The following GABRB1 variants were observed in gnomAD, a reference collection of about 807,000 sequenced individuals.
GABRB1 encodes the protein gamma-aminobutyric acid type A receptor subunit beta1.
A neutral mutation model predicts 51.6 loss-of-function variants in GABRB1; 17 were observed. The observed-to-expected ratio is 0.33, with a 90% CI of 0.23 to 0.49. The LOEUF (loss-of-function observed/expected upper bound fraction) is 0.49. GABRB1 is among the 20% of genes least tolerant of loss of function. GABRB1 has a pLI of 0.99. For missense variants in GABRB1, 410 were observed against 600.6 expected, an observed-to-expected ratio of 0.68 and a Z score of 3.32; for synonymous variants, 247 against 218.9, an observed-to-expected ratio of 1.13 and a Z score of -1.14.
At chr4:46,999,155 T>A (rs553562973) in intron 1 of GABRB1, among the ~76,000 whole-genome samples, 42 of 152,294 alleles carry the variant, frequency 2.8e-4, no homozygotes, top group African/African-American at 9.1e-4. Flanking sequence ...AATTAACCCA[T>A]ATAGTTTATT....
At chr4:47,017,846 G>A (rs1724795625) in intron 1 of GABRB1, among the ~76,000 whole-genome samples, 1 of 152,112 alleles carries the variant, frequency 6.6e-6, no homozygotes, top group Non-Finnish European at 1.5e-5. Flanking sequence ...TCAGAATATG[G>A]TTAGAAAACT....
At chr4:47,094,548 G>T (rs537618209) in intron 3 of GABRB1, among the ~76,000 whole-genome samples, 2 of 152,076 alleles carry the variant, frequency 1.3e-5, no homozygotes, top group South Asian at 2.1e-4. Flanking sequence ...TACGTGTTAA[G>T]ATTTACTGTT....
chr4:47,274,748 G>T (rs1723017653), intron 4 of GABRB1, among the ~76,000 whole-genome samples: 1 of 152,076 alleles, frequency 6.6e-6, no homozygotes, highest in South Asian at 2.1e-4. Flanking sequence ...CTTTTGATGG[G>T]GAGTTCTGAC....
At chr4:47,005,597 A>C (rs1281420324) in intron 1 of GABRB1, among the ~76,000 whole-genome samples, 1 of 150,862 alleles carries the variant, frequency 6.6e-6, no homozygotes, top group Non-Finnish European at 1.5e-5. Context: ...TTCAGTCATA[A>C]GGTAAAAACC....
intron 4 of GABRB1, among the ~76,000 whole-genome samples, chr4:47,237,554 A>C (rs1045572861): frequency 6.6e-6 from 1 of 152,080 alleles, no homozygotes; most frequent in Non-Finnish European, 1.5e-5. Context: ...ATTTAATATA[A>C]TTAAGCTGCT....
intron 5 of GABRB1, among the ~76,000 whole-genome samples, chr4:47,346,531 A>G (rs929229321): frequency 8.5e-5 from 13 of 152,180 alleles, no homozygotes; most frequent in African/African-American, 2.4e-4. Context: ...ATCATGAAGC[A>G]GTGGAGAAAT....
At chr4:47,271,546 G>A (rs1162328096) in intron 4 of GABRB1, among the ~76,000 whole-genome samples, 1 of 152,156 alleles carries the variant, frequency 6.6e-6, no homozygotes, top group African/African-American at 2.4e-5. Flanking sequence ...CCTGGCCCAG[G>A]TGGCACACTT....
At chr4:47,123,933 TTA>T (rs1248076623) in intron 3 of GABRB1, among the ~76,000 whole-genome samples, 121 of 112,838 alleles carry the variant, frequency 1.1e-3, no homozygotes, top group Non-Finnish European at 1.6e-3. Flanking sequence ...ATATAATATA[TTA>T]TATATATTAT....
At chr4:47,298,819 C>T (rs935463463) in intron 4 of GABRB1, among the ~76,000 whole-genome samples, 13 of 152,022 alleles carry the variant, frequency 8.6e-5, no homozygotes, top group South Asian at 2.1e-4. Context: ...GGAGGCATCA[C>T]GCTACCTGAC....
chr4:47,377,826 C>T (rs1434941363), intron 5 of GABRB1, among the ~76,000 whole-genome samples: 1 of 152,160 alleles, frequency 6.6e-6, no homozygotes, highest in East Asian at 1.9e-4. Flanking sequence ...TCCATTGGTG[C>T]ATTCACAAAC....
At chr4:47,261,597 C>T (rs562855078) in intron 4 of GABRB1, among the ~76,000 whole-genome samples, 18 of 151,898 alleles carry the variant, frequency 1.2e-4, no homozygotes, top group Middle Eastern at 6.8e-3. Context: ...GAATCAATAT[C>T]GTGAAAATGG....
chr4:47,141,054 T>C (rs1177388468), intron 3 of GABRB1, among the ~76,000 whole-genome samples: 1 of 151,776 alleles, frequency 6.6e-6, no homozygotes, highest in Non-Finnish European at 1.5e-5. Flanking sequence ...TAATACAGGA[T>C]GGGTACCCAT....
intron 5 of GABRB1, among the ~76,000 whole-genome samples, chr4:47,394,676 T>A (rs1203270186): frequency 6.6e-6 from 1 of 152,132 alleles, no homozygotes; most frequent in African/African-American, 2.4e-5. Context: ...TATGAAAAAG[T>A]TCGCCTTTCA....
intron 3 of GABRB1, among the ~76,000 whole-genome samples, chr4:47,125,030 C>A (rs1716053072): frequency 6.6e-6 from 1 of 152,074 alleles, no homozygotes; most frequent in Non-Finnish European, 1.5e-5. Flanking sequence ...TATATATAGA[C>A]ACATTCTAAT....
intron 5 of GABRB1, among the ~76,000 whole-genome samples, chr4:47,325,002 A>G (rs1043969307): frequency 2.0e-5 from 3 of 152,112 alleles, no homozygotes; most frequent in Admixed American, 2.0e-4. Context: ...TTTCCAAACT[A>G]TCATTACTTT....
intron 3 of GABRB1, among the ~76,000 whole-genome samples, chr4:47,105,123 C>G (rs1714903433): frequency 6.6e-6 from 1 of 152,070 alleles, no homozygotes; most frequent in Non-Finnish European, 1.5e-5. Flanking sequence ...TTGAGTCAAT[C>G]TGAGTTTAGA....
intron 4 of GABRB1, among the ~76,000 whole-genome samples, chr4:47,298,343 C>T (rs999180793): frequency 2.8e-4 from 42 of 152,174 alleles, no homozygotes; most frequent in Non-Finnish European, 4.4e-5. Context: ...AAAACCCCAT[C>T]ATCTCAGCCC....
chr4:47,182,572 T>C (rs1482572751), intron 4 of GABRB1, among the ~76,000 whole-genome samples: 3 of 151,962 alleles, frequency 2.0e-5, no homozygotes, highest in Non-Finnish European at 4.4e-5. Context: ...AATTTTGTTA[T>C]AATTATTCTG....
intron 4 of GABRB1, among the ~76,000 whole-genome samples, chr4:47,283,612 T>C: frequency 1.3e-5 from 2 of 151,574 alleles, no homozygotes; most frequent in Middle Eastern, 6.8e-3. Context: ...ATGGTCTCCA[T>C]CTCCTGACCT....
Sources: gnomAD v4.1 joint callset for allele counts (sites outside exome capture counted in the v4.1 genomes callset) on GRCh38, gnomAD v4.1.1 for gene constraint, MANE v1.5 for transcripts, NCBI Gene and HGNC (gene_info 2026-07-23, HGNC 2026-07-21) for gene names.